Variants in C8orf74 observed in about 807,000 individuals in gnomAD.
The protein encoded by C8orf74 is uncharacterized protein C8orf74.
C8orf74 carries 29 observed loss-of-function variants against 22.2 expected under a neutral mutation model. That is an observed-to-expected ratio of 1.31 (90% CI 0.97 to 1.78). The LOEUF (loss-of-function observed/expected upper bound fraction) is 1.78, where lower values mean the gene tolerates loss of function less well. C8orf74 is among the 40% of genes most tolerant of loss of function. The pLI is 0.00. For missense variants in C8orf74, 515 were observed against 369.9 expected, an observed-to-expected ratio of 1.39 and a Z score of -3.22; for synonymous variants, 255 against 163.1, an observed-to-expected ratio of 1.56 and a Z score of -4.30.
At chr8:10,698,347 G>A (rs571915465) in intron 3 of C8orf74, among the ~76,000 whole-genome samples, 20 of 152,236 alleles carry the variant, frequency 1.3e-4, no homozygotes, top group Middle Eastern at 3.4e-3. Flanking sequence ...CACCAAGAGA[G>A]GCAGGAAAAA....
intron 2 of C8orf74, among the ~76,000 whole-genome samples, chr8:10,680,474 T>C (rs746635230): frequency 1.3e-5 from 2 of 152,190 alleles, no homozygotes; most frequent in Non-Finnish European, 2.9e-5. Flanking sequence ...CATCCACCTA[T>C]GTCCAAGACT....
rs147629736 is a variant in C8orf74 at position 10,677,182 on chromosome 8, C to T, written c.241+2344C>T. Among the ~76,000 whole-genome samples the T allele has an allele frequency of 7.0e-3, 1,065 of 152,234 alleles. 15 individuals carry two copies. Among genetic ancestry groups the T allele is most frequent in the African/African-American group, 0.024 (1,013 of 41,536 alleles). The stretch of plus-strand genomic sequence containing the variant: ...GAACAGGGAACCCCTCCTCCTCCTG[C>T]ACTTCATTCCTTACATGACCACACT... On this transcript the variant is annotated intron_variant, in intron 2 of 3. Coordinates refer to ENST00000304519, the MANE Select transcript of C8orf74 (RefSeq NM_001040032.2).
intron 2 of C8orf74, among the ~76,000 whole-genome samples, chr8:10,681,428 G>A (rs914741694): frequency 1.3e-5 from 2 of 152,140 alleles, no homozygotes; most frequent in Admixed American, 6.5e-5. Flanking sequence ...CAGGAAGGGG[G>A]CACAGTTTGC....
intron 3 of C8orf74, among the ~76,000 whole-genome samples, chr8:10,699,756 G>C (rs1250899230): frequency 6.6e-6 from 1 of 152,242 alleles, no homozygotes; most frequent in Non-Finnish European, 1.5e-5. Flanking sequence ...ACTTTGAAAG[G>C]TGAGAATGAG....
Position 10,697,732 on chromosome 8 carries a change from C to T in C8orf74, c.375C>T (p.Tyr125=). 6 of 1,614,060 alleles carry T rather than the reference C, an allele frequency of 3.7e-6. No individual in the cohort carries two copies. Among genetic ancestry groups the T allele is most frequent in the Non-Finnish European group, 5.1e-6 (6 of 1,179,902 alleles). ...CCTTCATCCGCCACTACAAACTCTA[C>T]CAGTATGTCCTGGGCCAGGACCAGC... ...HHTFIRHYKL[Y]QYVLGQDQQV... is the part of the protein sequence containing the mutation. The change falls in exon 3 of 4, where the codon TAC becomes TAT. Residue 125 remains tyrosine, a synonymous_variant. Coordinates refer to ENST00000304519, the MANE Select transcript of C8orf74 (RefSeq NM_001040032.2).
chr8:10,687,238 C>A (rs538826932), intron 2 of C8orf74: 6 of 396,354 alleles, frequency 1.5e-5, no homozygotes, highest in Admixed American at 8.6e-5. Flanking sequence ...CCTAATCTCA[C>A]GAGGTAGAGA....
At chr8:10,694,750 C>A (rs1371954098) in intron 2 of C8orf74, among the ~76,000 whole-genome samples, 2 of 151,962 alleles carry the variant, frequency 1.3e-5, no homozygotes, top group Non-Finnish European at 2.9e-5. Flanking sequence ...TTTTTCTTTT[C>A]CTTTCACAAA....
intron 2 of C8orf74, among the ~76,000 whole-genome samples, chr8:10,676,813 G>A (rs372650511): frequency 6.6e-5 from 10 of 152,100 alleles, no homozygotes; most frequent in Admixed American, 2.0e-4. Flanking sequence ...GTTCAATCCC[G>A]GTGTCTGAGC....
intron 2 of C8orf74, among the ~76,000 whole-genome samples, chr8:10,685,152 A>G (rs561950468): frequency 6.6e-6 from 1 of 152,362 alleles, no homozygotes; most frequent in African/African-American, 2.4e-5. Context: ...AAAACCAAGG[A>G]AACTGGAGCT....
chr8:10,695,116 A>AT (rs921304536), intron 2 of C8orf74, among the ~76,000 whole-genome samples: 1 of 150,974 alleles, frequency 6.6e-6, no homozygotes, highest in African/African-American at 2.4e-5. Flanking sequence ...GAATGGAGAG[A>AT]TTTTTTTTGC....
At position 10,674,753 on chromosome 8, in the gene C8orf74, C is replaced by T; in HGVS notation, c.156C>T (p.Ile52=). 1 of 1,607,228 alleles carries T rather than the reference C, an allele frequency of 6.2e-7. No individual in the cohort carries two copies. ...TGCTGGACACCCTCTACGAGAGCAT[C>T]ATCTTTGCAGTGGGCAAAGGCTTCC... The part of the protein sequence containing the change: ...SILLDTLYES[I]IFAVGKGFPW... The change falls in exon 2 of 4, where the codon ATC becomes ATT. Residue 52 remains isoleucine, a synonymous_variant. Transcript: ENST00000304519.
chr8:10,696,349 T>C (rs563179513), intron 2 of C8orf74, among the ~76,000 whole-genome samples: 1 of 152,112 alleles, frequency 6.6e-6, no homozygotes, highest in African/African-American at 2.4e-5. Context: ...TTCCCAACTC[T>C]GCAACATGAG....
intron 2 of C8orf74, among the ~76,000 whole-genome samples, chr8:10,683,388 G>C (rs1799193455): frequency 6.6e-6 from 1 of 152,222 alleles, no homozygotes. Flanking sequence ...TCCCACATCT[G>C]ATTTCTCAGG....
intron 2 of C8orf74, among the ~76,000 whole-genome samples, chr8:10,695,725 A>G (rs1044223774): frequency 6.6e-6 from 1 of 151,992 alleles, no homozygotes; most frequent in East Asian, 1.9e-4. Flanking sequence ...GGCATGGAGC[A>G]CTCTAGCTGG....
At chr8:10,698,957 A>G (rs1354055507) in intron 3 of C8orf74, among the ~76,000 whole-genome samples, 1 of 150,856 alleles carries the variant, frequency 6.6e-6, no homozygotes, top group Non-Finnish European at 1.5e-5. Flanking sequence ...GAAAATCTCT[A>G]AAGAGCAATG....
At chr8:10,681,554 C>T (rs1304051018) in intron 2 of C8orf74, among the ~76,000 whole-genome samples, 2 of 152,158 alleles carry the variant, frequency 1.3e-5, no homozygotes, top group South Asian at 2.1e-4. Context: ...AAGGTGGGGA[C>T]AGCCTCCCCT....
Position 10,697,833 on chromosome 8 carries a change from G to T in C8orf74, c.476G>T (p.Arg159Met). Residue 159 changes from arginine to methionine, a missense_variant, in exon 3 of 4, where the codon AGG (arginine) becomes ATG (methionine). Physicochemically the swap from Arg to Met is moderately conservative, Grantham distance 91 (BLOSUM62 -1). Transcript: ENST00000304519. The stretch of plus-strand genomic sequence containing the variant: ...CTCCCGCTGGCCGAGGGCATGGACA[G>T]GGACTTGTGGATCCACGAGCAGCAG... ...HPLPLAEGMD[R>M]DLWIHEQQVA... 6.2e-7 allele frequency: 1 copy of T among 1,613,858 alleles called. No individual in the cohort carries two copies. Among genetic ancestry groups the T allele is most frequent in the Non-Finnish European group, 8.5e-7 (1 of 1,179,802 alleles).
intron 2 of C8orf74, among the ~76,000 whole-genome samples, chr8:10,695,021 G>A (rs1799460388): frequency 1.3e-5 from 2 of 152,016 alleles, no homozygotes; most frequent in African/African-American, 2.4e-5. Context: ...ATGGATGGGT[G>A]GGTGAAAGAA....
rs767695137 is a variant in C8orf74 at position 10,697,646 on chromosome 8, G to C, written c.289G>C (p.Asp97His). 7 of 1,613,986 alleles carry C rather than the reference G, an allele frequency of 4.3e-6. No individual in the cohort carries two copies. In the South Asian group the frequency reaches 7.7e-5, roughly 18 times the overall value. The part of the protein sequence containing the change: ...AVTILGNKLR[D>H]YRGHFNTTHL... Reference sequence around the variant, plus strand: ...GACGATCCTGGGGAACAAGCTTAGAGATTACCGGGGCCATTTCAACACCAC... The same window carrying C: ...GACGATCCTGGGGAACAAGCTTAGACATTACCGGGGCCATTTCAACACCAC... Residue 97 changes from aspartate to histidine, a missense_variant, in exon 3 of 4, where the codon GAT (aspartate) becomes CAT (histidine). By Grantham distance (81) the Asp-to-His change is moderately conservative. Coordinates refer to ENST00000304519, the MANE Select transcript of C8orf74 (RefSeq NM_001040032.2).
Sources: gnomAD v4.1 joint callset for allele counts (sites outside exome capture counted in the v4.1 genomes callset) on GRCh38, gnomAD v4.1.1 for gene constraint, MANE v1.5 for transcripts, NCBI Gene and HGNC (gene_info 2026-07-23, HGNC 2026-07-21) for gene names.